The following MAGI2 variants were observed in gnomAD, a reference collection of about 807,000 sequenced individuals.
MAGI2 encodes membrane associated guanylate kinase, WW and PDZ domain containing 2, also known as membrane-associated guanylate kinase, WW and PDZ domain-containing protein 2.
A neutral mutation model predicts 133.3 loss-of-function variants in MAGI2; 35 were observed. The observed-to-expected ratio is 0.26, with a 90% CI of 0.20 to 0.35. The LOEUF (loss-of-function observed/expected upper bound fraction) is 0.35. Ranked by LOEUF, MAGI2 falls within the 10% of genes least tolerant of loss-of-function variation. The probability of loss-of-function intolerance (pLI) is 1.00; values close to 1 mark genes in which losing one functional copy is unlikely to be tolerated. For missense variants in MAGI2, 1,636 were observed against 1,863.4 expected (o/e 0.88, Z 2.25); for synonymous variants, 729 against 710.6 (o/e 1.03, Z -0.41).
At chr7:78,492,058 G>C (rs768853111) in intron 5 of MAGI2, among the ~76,000 whole-genome samples, 8 of 151,928 alleles carry the variant, frequency 5.3e-5, no homozygotes, top group Non-Finnish European at 7.4e-5. Context: ...AGGCTCCTTA[G>C]ATATATTCAC....
chr7:78,104,289 G>A (rs1170120413), intron 20 of MAGI2, among the ~76,000 whole-genome samples: 1 of 152,120 alleles, frequency 6.6e-6, no homozygotes, highest in East Asian at 1.9e-4. Flanking sequence ...GTGGCTCGAT[G>A]TCGGCTCACT....
Position 79,405,469 on chromosome 7 carries a change from G to T in MAGI2, c.301+47551C>A, listed in dbSNP as rs1463767007. The stretch of plus-strand genomic sequence containing the variant: ...TTCCATAGTGTATAATTCAGAAAAA[G>T]AGAGTGATCCTTATTAATACTTACT... On this transcript the variant is annotated intron_variant, in intron 1 of 21. Coordinates refer to ENST00000354212, the MANE Select transcript of MAGI2 (RefSeq NM_012301.4). Among the ~76,000 whole-genome samples the T allele has an allele frequency of 2.6e-5, 4 of 152,134 alleles. No individual in the cohort carries two copies. In the East Asian group the frequency reaches 7.7e-4, roughly 29 times the overall value.
chr7:79,089,196 T>C (rs943176407), intron 1 of MAGI2, among the ~76,000 whole-genome samples: 14 of 151,664 alleles, frequency 9.2e-5, no homozygotes, highest in Non-Finnish European at 1.5e-4. Flanking sequence ...AACAAACATA[T>C]GAAAAAAAGC....
chr7:79,127,521 G>T (rs1267081684), intron 1 of MAGI2, among the ~76,000 whole-genome samples: 1 of 152,064 alleles, frequency 6.6e-6, no homozygotes, highest in Non-Finnish European at 1.5e-5. Flanking sequence ...ATCTCATTGT[G>T]GTTTTGATTT....
intron 1 of MAGI2, among the ~76,000 whole-genome samples, chr7:79,205,327 A>G (rs1828950574): frequency 6.6e-6 from 1 of 151,988 alleles, no homozygotes. Flanking sequence ...GAGGTGAAAT[A>G]CTCAAATTAC....
chr7:79,080,521 C>T (rs1443878220), intron 1 of MAGI2, among the ~76,000 whole-genome samples: 2 of 152,130 alleles, frequency 1.3e-5, no homozygotes, highest in South Asian at 2.1e-4. Context: ...TGTTTAAAGG[C>T]TTTCTTTTGG....
chr7:79,255,290 C>T (rs974305492), intron 1 of MAGI2, among the ~76,000 whole-genome samples: 2 of 151,996 alleles, frequency 1.3e-5, no homozygotes, highest in Admixed American at 1.3e-4. Flanking sequence ...ATTTTCAAAC[C>T]GATGCCCAAT....
intron 1 of MAGI2, among the ~76,000 whole-genome samples, chr7:79,029,152 T>G (rs1332051314): frequency 6.6e-6 from 1 of 152,160 alleles, no homozygotes; most frequent in African/African-American, 2.4e-5. Context: ...TTCTGCATAA[T>G]CATTTCAGAA....
intron 1 of MAGI2, among the ~76,000 whole-genome samples, chr7:79,289,098 C>T (rs1011826919): frequency 3.9e-5 from 6 of 152,154 alleles, no homozygotes; most frequent in South Asian, 4.1e-4. Context: ...TCCAAACCCA[C>T]GTGCTTATGC....
intron 2 of MAGI2, among the ~76,000 whole-genome samples, chr7:78,835,881 A>G (rs1190908068): frequency 6.6e-6 from 1 of 152,148 alleles, no homozygotes; most frequent in Non-Finnish European, 1.5e-5. Context: ...TCTTTCTTAG[A>G]GACAGTTATG....
chr7:78,067,678 A>G (rs1000418296), intron 21 of MAGI2, among the ~76,000 whole-genome samples: 2 of 152,226 alleles, frequency 1.3e-5, no homozygotes, highest in Non-Finnish European at 2.9e-5. Flanking sequence ...TGTGATTCTT[A>G]AGTTTAGAGA....
At chr7:78,662,286 AC>A (rs1253957827) in intron 2 of MAGI2, among the ~76,000 whole-genome samples, 1 of 152,136 alleles carries the variant, frequency 6.6e-6, no homozygotes, top group East Asian at 1.9e-4. Context: ...GAGCCCTTCT[AC>A]CTTTCCATTA....
At position 78,817,117 on chromosome 7, in the gene MAGI2, T is replaced by C. The variant is rs1284646434; in HGVS notation, c.419-189878A>G. ...GACTTTTAGGGGTTCAAGATTTCAG[T>C]GGAGGAGGTCACTGCAGATATGGTG... On this transcript the variant is annotated intron_variant, in intron 2 of 21. Transcript: ENST00000354212. Among the ~76,000 whole-genome samples, 3 of 152,108 alleles carry C rather than the reference T, an allele frequency of 2.0e-5. No homozygotes were observed. The East Asian group carries it at 5.8e-4, about 29-fold the overall frequency.
chr7:78,163,945 T>C lies in MAGI2; in HGVS notation c.2597-3672A>G, dbSNP rs192688817. ...AAAATTAATTGCCAATGTTTGTAAA[T>C]AGGGAGATTTTTATAGAAATACTGA... On this transcript the variant is annotated intron_variant, in intron 15 of 21. Coordinates refer to ENST00000354212, the MANE Select transcript of MAGI2 (RefSeq NM_012301.4). Among the ~76,000 whole-genome samples, 35 of 150,430 alleles carry C rather than the reference T, an allele frequency of 2.3e-4. No individual in the cohort carries two copies. The East Asian group carries it at 6.5e-3, about 28-fold the overall frequency.
intron 6 of MAGI2, among the ~76,000 whole-genome samples, chr7:78,454,324 A>G (rs1030908781): frequency 3.3e-5 from 5 of 152,160 alleles, no homozygotes; most frequent in Admixed American, 2.0e-4. Context: ...GCCATTTCTT[A>G]AGGAGATCCC....
chr7:78,125,851 G>A lies in MAGI2; in HGVS notation c.3424-14C>T, dbSNP rs201393555. ...ATAATCAAAATCCTTTGGGGTTGGG[G>A]AGAAAATGGAATAAATAATTATTTA... On this transcript the variant is annotated splice_polypyrimidine_tract_variant and intron_variant, in intron 19 of 21. Transcript: ENST00000354212. 9.5e-4 allele frequency: 1,535 copies of A among 1,612,960 alleles called. 3 individuals carry two copies. The highest frequency in any genetic ancestry group is 1.2e-3 in the Non-Finnish European group (1,402 of 1,179,230).
At chr7:78,857,806 T>G (rs907737917) in intron 2 of MAGI2, among the ~76,000 whole-genome samples, 6 of 152,238 alleles carry the variant, frequency 3.9e-5, no homozygotes, top group Non-Finnish European at 1.5e-5. Context: ...TCCTATTGAT[T>G]AGAATAGTTT....
chr7:78,846,292 T>C (rs1338781029), intron 2 of MAGI2, among the ~76,000 whole-genome samples: 1 of 151,932 alleles, frequency 6.6e-6, no homozygotes, highest in Admixed American at 6.6e-5. Flanking sequence ...CAAAGTGGAC[T>C]AAATTTAGTT....
At chr7:78,282,824 A>AAT (rs1795759616) in intron 9 of MAGI2, among the ~76,000 whole-genome samples, 1 of 152,084 alleles carries the variant, frequency 6.6e-6, no homozygotes, top group Admixed American at 6.6e-5. Context: ...GGAGGGTCAC[A>AAT]ATATTTGTTC....
Sources: allele counts gnomAD v4.1 joint callset (sites outside exome capture counted in the v4.1 genomes callset), GRCh38; gene constraint gnomAD v4.1.1; transcripts MANE v1.5; gene names NCBI Gene and HGNC (gene_info 2026-07-23, HGNC 2026-07-21).